The following UNC13C variants were observed in gnomAD, a reference collection of about 807,000 sequenced individuals.
UNC13C encodes protein unc-13 homolog C.
A neutral mutation model predicts 245.4 loss-of-function variants in UNC13C; 174 were observed. The ratio of observed to expected loss-of-function variants is 0.71; its 90% CI spans 0.63 to 0.80. UNC13C has a LOEUF of 0.80. Ranked by LOEUF, UNC13C falls within the 30% of genes least tolerant of loss-of-function variation. UNC13C has a pLI of 0.00. For missense variants in UNC13C, 2,829 were observed against 2,602.9 expected (o/e 1.09, Z -1.89); for synonymous variants, 992 against 895.1 (o/e 1.11, Z -1.93).
At chr15:54,135,424 A>T (rs1732670200) in intron 2 of UNC13C, among the ~76,000 whole-genome samples, 1 of 152,112 alleles carries the variant, frequency 6.6e-6, no homozygotes. Flanking sequence ...TTTATCTTGG[A>T]GCTTTATGGG....
intron 13 of UNC13C, among the ~76,000 whole-genome samples, chr15:54,319,983 G>A (rs372764168): frequency 4.6e-5 from 7 of 152,052 alleles, no homozygotes; most frequent in African/African-American, 1.4e-4. Context: ...TAAGCATAAA[G>A]CTGGCATTAT....
At chr15:54,067,831 A>G (rs1039168573) in intron 2 of UNC13C, among the ~76,000 whole-genome samples, 1 of 152,224 alleles carries the variant, frequency 6.6e-6, no homozygotes, top group African/African-American at 2.4e-5. Flanking sequence ...TGTGAGACCT[A>G]GTGAGCTCAA....
intron 19 of UNC13C, among the ~76,000 whole-genome samples, chr15:54,457,892 G>GTTTTTTTTTTTTTTTT (rs34133938): frequency 8.1e-6 from 1 of 122,990 alleles, no homozygotes. Flanking sequence ...TCTGCTTTTC[G>GTTTTTTTTTTTTTTTT]TTTTTTTTTT....
intron 1 of UNC13C, among the ~76,000 whole-genome samples, chr15:53,988,418 T>G (rs1355879336): frequency 6.6e-6 from 1 of 151,854 alleles, no homozygotes; most frequent in Non-Finnish European, 1.5e-5. Context: ...AAAATTGTTG[T>G]GAGTAGAGAG....
intron 8 of UNC13C, among the ~76,000 whole-genome samples, chr15:54,259,415 G>T (rs754006872): frequency 1.3e-5 from 2 of 152,196 alleles, no homozygotes; most frequent in African/African-American, 4.8e-5. Context: ...GGCGGAAGGC[G>T]AAAGGCATGT....
At chr15:54,545,632 T>G (rs537003436) in intron 26 of UNC13C, among the ~76,000 whole-genome samples, 1 of 151,990 alleles carries the variant, frequency 6.6e-6, no homozygotes, top group Non-Finnish European at 1.5e-5. Context: ...GAAAAAAATA[T>G]CAAAAAGTGG....
chr15:54,112,011 C>T (rs1900802325), intron 2 of UNC13C, among the ~76,000 whole-genome samples: 1 of 152,156 alleles, frequency 6.6e-6, no homozygotes, highest in African/African-American at 2.4e-5. Context: ...TGGCCTTCCA[C>T]CCAAGCCACT....
chr15:53,919,476 G>A, the UNC13C span, among the ~76,000 whole-genome samples: 1 of 152,110 alleles, frequency 6.6e-6, no homozygotes, highest in African/African-American at 2.4e-5. Context: ...AATTCTCAGA[G>A]GACAAATTCT....
At chr15:54,078,735 G>A (rs1439125541) in intron 2 of UNC13C, among the ~76,000 whole-genome samples, 1 of 151,906 alleles carries the variant, frequency 6.6e-6, no homozygotes, top group Non-Finnish European at 1.5e-5. Flanking sequence ...CCTCTGTTGA[G>A]TGTGTAGTTT....
At chr15:54,025,794 G>T (rs1896084400) in intron 2 of UNC13C, among the ~76,000 whole-genome samples, 1 of 152,162 alleles carries the variant, frequency 6.6e-6, no homozygotes, top group Non-Finnish European at 1.5e-5. Flanking sequence ...TTTACATGAT[G>T]ATATTACAGG....
At chr15:54,565,810 A>C (rs1257028797) in intron 29 of UNC13C, among the ~76,000 whole-genome samples, 2 of 151,832 alleles carry the variant, frequency 1.3e-5, no homozygotes, top group East Asian at 1.9e-4. Flanking sequence ...AAAGTAGCCC[A>C]AGGACAATGA....
intron 20 of UNC13C, among the ~76,000 whole-genome samples, chr15:54,499,627 A>G (rs1894108688): frequency 6.6e-6 from 1 of 152,136 alleles, no homozygotes; most frequent in Admixed American, 6.6e-5. Flanking sequence ...ATCCTACACA[A>G]TTTCCAAAAA....
At chr15:53,941,118 T>C in the UNC13C span, among the ~76,000 whole-genome samples, 1 of 152,030 alleles carries the variant, frequency 6.6e-6, no homozygotes, top group Non-Finnish European at 1.5e-5. Flanking sequence ...CATAGACCAA[T>C]GGGACTGAAT....
At chr15:54,189,270 A>C (rs544349784) in intron 4 of UNC13C, among the ~76,000 whole-genome samples, 4 of 152,174 alleles carry the variant, frequency 2.6e-5, no homozygotes, top group Non-Finnish European at 5.9e-5. Context: ...CCTGGGCAAA[A>C]GGGAGAAATG....
the UNC13C span, among the ~76,000 whole-genome samples, chr15:53,842,243 T>G: frequency 1.3e-5 from 2 of 152,196 alleles, no homozygotes; most frequent in African/African-American, 4.8e-5. Flanking sequence ...CTGAATTTAA[T>G]TCCTCTGACT....
intron 2 of UNC13C, among the ~76,000 whole-genome samples, chr15:54,036,477 G>A (rs765043664): frequency 3.3e-5 from 5 of 152,162 alleles, no homozygotes; most frequent in Non-Finnish European, 7.3e-5. Flanking sequence ...CACTTAACGC[G>A]CTCAAAAGTC....
At chr15:53,940,282 A>G in the UNC13C span, among the ~76,000 whole-genome samples, 1 of 151,730 alleles carries the variant, frequency 6.6e-6, no homozygotes, top group African/African-American at 2.4e-5. Context: ...TATGTTAAAA[A>G]CCCTGAATGA....
At chr15:54,452,228 G>C (rs1891219296) in intron 19 of UNC13C, among the ~76,000 whole-genome samples, 1 of 152,202 alleles carries the variant, frequency 6.6e-6, no homozygotes. Flanking sequence ...GCAGGTCCAG[G>C]AGGGCCAATT....
rs190859133 is a variant in UNC13C, at chr15:54,103,335, T to C, written c.2984-39683T>C. Reference sequence around the variant, plus strand: ...AGCACAGCCTGTCTTCCTTACCTTATGTTCAGGCCTTTGGGAGCTGAGATC... The same window carrying C: ...AGCACAGCCTGTCTTCCTTACCTTACGTTCAGGCCTTTGGGAGCTGAGATC... On this transcript the variant is annotated intron_variant, in intron 2 of 32. Transcript: ENST00000260323. Among the ~76,000 whole-genome samples the C allele has an allele frequency of 2.0e-5, 3 of 152,338 alleles. No homozygotes were observed. In the East Asian group the frequency reaches 5.8e-4, roughly 29 times the overall value.
Sources: allele counts gnomAD v4.1 joint callset (sites outside exome capture counted in the v4.1 genomes callset), GRCh38; gene constraint gnomAD v4.1.1; transcripts MANE v1.5; gene names NCBI Gene and HGNC (gene_info 2026-07-23, HGNC 2026-07-21).